ITGA6: variants seen among roughly 807,000 people sequenced by gnomAD.
ITGA6 encodes integrin alpha-6.
A neutral mutation model predicts 133.6 loss-of-function variants in ITGA6; 63 were observed. That is an observed-to-expected ratio of 0.47 (90% confidence interval 0.38 to 0.58). The LOEUF is 0.58. Among genes scored for constraint, ITGA6 ranks in the 20% least tolerant of loss-of-function variants. ITGA6 has a pLI of 0.00. For synonymous variants in ITGA6, 434 were observed against 482.0 expected, an observed-to-expected ratio of 0.90 and a Z score of 1.30; for missense variants, 1,068 against 1,309.4, an observed-to-expected ratio of 0.82 and a Z score of 2.85.
chr2:172,441,752 G>C (rs1684554018), intron 1 of ITGA6, among the ~76,000 whole-genome samples: 3 of 152,030 alleles, frequency 2.0e-5, no homozygotes, highest in Admixed American at 1.3e-4. Flanking sequence ...TGGAAAGGTA[G>C]ACCACCATCC....
chr2:172,501,791 A>C lies in ITGA6; in HGVS notation c.3134A>C (p.Asn1045Thr). Reference sequence around the variant, plus strand: ...TTGTAGTGTGGTTTCTTCAAGAGAAATAAGAAAGATCATTATGATGCCACA... The same window carrying C: ...TTGTAGTGTGGTTTCTTCAAGAGAACTAAGAAAGATCATTATGATGCCACA... ...ILWKCGFFKR[N>T]KKDHYDATYH... The change falls in exon 25 of 26, where the codon AAT (asparagine) becomes ACT (threonine). Residue 1045 changes from asparagine to threonine, a missense_variant. Physicochemically the swap from Asn to Thr is moderately conservative, Grantham distance 65. This residue lies in a region of ITGA6 where 609 missense variants were observed against 707.2 expected (regional missense o/e 0.86). Coordinates refer to ENST00000684293, the MANE Select transcript of ITGA6 (RefSeq NM_000210.4). The C allele has an allele frequency of 6.2e-7, 1 of 1,612,772 alleles. No homozygotes were observed. The highest frequency in any genetic ancestry group is 1.1e-5 in the South Asian group (1 of 91,026).
intron 1 of ITGA6, among the ~76,000 whole-genome samples, chr2:172,428,861 C>T (rs972848282): frequency 6.6e-6 from 1 of 152,232 alleles, no homozygotes; most frequent in African/African-American, 2.4e-5. Flanking sequence ...GTTTGGTTCC[C>T]ACATGATCGG....
At chr2:172,431,842 A>G (rs1009239664) in intron 1 of ITGA6, among the ~76,000 whole-genome samples, 5 of 152,088 alleles carry the variant, frequency 3.3e-5, no homozygotes, top group Admixed American at 2.0e-4. Flanking sequence ...AGGGTTGGGG[A>G]AAAAAAGGGT....
chr2:172,467,216 C>CA (rs1234621042), intron 2 of ITGA6, among the ~76,000 whole-genome samples: 1 of 152,064 alleles, frequency 6.6e-6, no homozygotes, highest in Non-Finnish European at 1.5e-5. Context: ...CCCTAGGTAT[C>CA]AAGAGAGGGC....
intron 5 of ITGA6, chr2:172,472,866 G>C (rs2149046008): frequency 6.2e-7 from 1 of 1,606,364 alleles, no homozygotes; most frequent in East Asian, 2.2e-5. Context: ...CACATTCCCT[G>C]ATGTGATGAT....
chr2:172,487,216 C>T (rs369674657), intron 14 of ITGA6, 48 bp from the exon 15 acceptor site: 51 of 1,548,838 alleles, frequency 3.3e-5, no homozygotes, highest in Non-Finnish European at 4.1e-5. Flanking sequence ...TTACTGGAAA[C>T]GTATTGAGGA....
At chr2:172,448,628 G>T (rs576269925) in intron 1 of ITGA6, among the ~76,000 whole-genome samples, 18 of 152,264 alleles carry the variant, frequency 1.2e-4, no homozygotes, top group Middle Eastern at 3.4e-3. Flanking sequence ...TTCTTAGAAG[G>T]TTATTAGAAA....
chr2:172,479,535 G>C (rs891904712), intron 9 of ITGA6, 106 bp from the exon 10 acceptor site: 1 of 908,666 alleles, frequency 1.1e-6, no homozygotes, highest in Non-Finnish European at 1.8e-6. Context: ...TTTTTCCTGT[G>C]TTTTTAAGCT....
chr2:172,441,558 T>TAAAAAAAAAAA (rs1559116474), intron 1 of ITGA6, among the ~76,000 whole-genome samples: 3 of 64,858 alleles, frequency 4.6e-5, no homozygotes, highest in African/African-American at 1.2e-4. Flanking sequence ...CGCTGTCTCT[T>TAAAAAAAAAAA]TAAAAAAAAA....
At chr2:172,456,862 G>C (rs1388285350) in intron 1 of ITGA6, among the ~76,000 whole-genome samples, 12 of 152,134 alleles carry the variant, frequency 7.9e-5, no homozygotes, top group Admixed American at 7.9e-4. Context: ...TATGAGAGCT[G>C]CCCTTCTGAC....
chr2:172,496,976 G>A (rs957358410), intron 23 of ITGA6, among the ~76,000 whole-genome samples: 1 of 152,122 alleles, frequency 6.6e-6, no homozygotes, highest in Admixed American at 6.5e-5. Context: ...GTGGGTCCAG[G>A]GTCTAGTTTG....
At position 172,465,120 on chromosome 2, in the gene ITGA6, A is replaced by T. The variant is rs1288206998; in HGVS notation, c.183-419A>T. 6 of 258,348 alleles carry T rather than the reference A, an allele frequency of 2.3e-5. No homozygotes were observed. The Admixed American group carries it at 3.1e-4, about 13-fold the overall frequency. 16.0% of individuals were successfully genotyped at this position (258,348 alleles called of 1,614,324 possible). A position where few individuals can be genotyped will look rare whatever the true frequency, so the allele number is the denominator to read the frequency against. ...GCACAGTGTTAGAAACTGACATATT[A>T]TTGCTTATTACATTTAGTGTGGCCA... On this transcript the variant is annotated intron_variant, in intron 1 of 25. Coordinates refer to ENST00000684293, the MANE Select transcript of ITGA6 (RefSeq NM_000210.4).
chr2:172,479,934 G>T lies in ITGA6; in HGVS notation c.1488-56G>T, dbSNP rs557433043. 15 of 1,276,536 alleles carry T rather than the reference G, an allele frequency of 1.2e-5. No individual in the cohort carries two copies. The African/African-American group carries it at 1.9e-4, about 16-fold the overall frequency. The allele number at this position is 1,276,536 out of a possible 1,614,324, so 79.1% of individuals were successfully genotyped here. The stretch of plus-strand genomic sequence containing the variant: ...ATTGGAGAGCTAGGGAACATGTTGG[G>T]TTTTTTCCACTGCAATAATGGATCT... On this transcript the variant is annotated intron_variant, in intron 10 of 25. Coordinates refer to ENST00000684293, the MANE Select transcript of ITGA6 (RefSeq NM_000210.4).
rs181877705 is a variant in ITGA6, at chr2:172,443,524, A to G, written c.182+15554A>G. The stretch of plus-strand genomic sequence containing the variant: ...GGAGTGGCTGCCCTCATTCCTTTCT[A>G]TCCTAACCATCTGATAGGACCACAG... On this transcript the variant is annotated intron_variant, in intron 1 of 25. Coordinates refer to ENST00000684293, the MANE Select transcript of ITGA6 (RefSeq NM_000210.4). Among the ~76,000 whole-genome samples, 11 of 152,162 alleles carry G rather than the reference A, an allele frequency of 7.2e-5. No individual in the cohort carries two copies. The East Asian group carries it at 1.9e-3, about 27-fold the overall frequency.
chr2:172,452,859 G>C (rs1376816547), intron 1 of ITGA6, among the ~76,000 whole-genome samples: 1 of 152,180 alleles, frequency 6.6e-6, no homozygotes, highest in Non-Finnish European at 1.5e-5. Flanking sequence ...ATGTGGTGTG[G>C]GTATTTGGAG....
chr2:172,464,700 A>G (rs182357945), intron 1 of ITGA6: 94 of 152,504 alleles, frequency 6.2e-4, no homozygotes, highest in African/African-American at 2.1e-3. Flanking sequence ...GGGCCTCCTT[A>G]TAGGAGATAA....
chr2:172,442,938 G>A (rs1038540023), intron 1 of ITGA6, among the ~76,000 whole-genome samples: 3 of 151,534 alleles, frequency 2.0e-5, no homozygotes, highest in Admixed American at 2.0e-4. Flanking sequence ...TGACCCTCGT[G>A]TCCATGGACT....
chr2:172,427,578 C>T (rs1683894784), upstream of ITGA6: 3 of 1,250,238 alleles, frequency 2.4e-6, no homozygotes, highest in South Asian at 5.7e-5. Flanking sequence ...TGCGAGTCTC[C>T]AGAGAACAAC....
chr2:172,451,052 G>A (rs1353903795), intron 1 of ITGA6, among the ~76,000 whole-genome samples: 2 of 151,246 alleles, frequency 1.3e-5, no homozygotes, highest in Admixed American at 6.6e-5. Flanking sequence ...CTTCTTGGGA[G>A]GCTGAGGCAT....
Sources: gnomAD v4.1 joint callset for allele counts (sites outside exome capture counted in the v4.1 genomes callset) on GRCh38, gnomAD v4.1.1 for gene constraint, gnomAD v4.1.1 regional missense constraint, MANE v1.5 for transcripts, NCBI Gene and HGNC (gene_info 2026-07-23, HGNC 2026-07-21) for gene names.